The following SMYD3 variants were observed in gnomAD, a reference collection of about 807,000 sequenced individuals.
The protein encoded by SMYD3 is SET and MYND domain containing 3, also known as histone-lysine N-methyltransferase SMYD3.
In SMYD3, 36 loss-of-function variants were observed where a neutral mutation model predicts 57.7. That is an observed-to-expected ratio of 0.62 (90% CI 0.48 to 0.82). The LOEUF is 0.82. Ranked by LOEUF, SMYD3 falls within the 40% of genes least tolerant of loss-of-function variation. The pLI, the probability that SMYD3 is intolerant of heterozygous loss-of-function variation, is 0.00. For synonymous variants in SMYD3, 211 were observed against 195.0 expected (o/e 1.08, Z -0.68); for missense variants, 515 against 538.8 (o/e 0.96, Z 0.44).
chr1:246,124,521 T>C (rs2061475684), intron 5 of SMYD3, among the ~76,000 whole-genome samples: 1 of 152,194 alleles, frequency 6.6e-6, no homozygotes, highest in African/African-American at 2.4e-5. Flanking sequence ...GCCAACTTCC[T>C]AACATGTACC....
intron 5 of SMYD3, among the ~76,000 whole-genome samples, chr1:246,114,361 T>TG (rs2061307062): frequency 6.6e-6 from 1 of 152,180 alleles, no homozygotes; most frequent in South Asian, 2.1e-4. Flanking sequence ...TGTGGAGTCC[T>TG]GACAAGGTAA....
intron 1 of SMYD3, among the ~76,000 whole-genome samples, chr1:246,361,728 A>T (rs1572419776): frequency 1.3e-5 from 2 of 152,294 alleles, no homozygotes; most frequent in East Asian, 3.9e-4. Context: ...TCTCACTCAT[A>T]TGTGGGAGCT....
At chr1:246,040,581 T>A (rs2059852183) in intron 5 of SMYD3, among the ~76,000 whole-genome samples, 2 of 152,212 alleles carry the variant, frequency 1.3e-5, no homozygotes, top group Admixed American at 6.5e-5. Context: ...CACGTGGGGA[T>A]AAATCCTTCT....
At chr1:246,235,978 G>GAA (rs1291802054) in intron 5 of SMYD3, among the ~76,000 whole-genome samples, 1 of 151,996 alleles carries the variant, frequency 6.6e-6, no homozygotes, top group Admixed American at 6.6e-5. Context: ...CATCATCACA[G>GAA]AAAGCACTAC....
chr1:246,234,400 G>A (rs904387565), intron 5 of SMYD3, among the ~76,000 whole-genome samples: 1 of 152,168 alleles, frequency 6.6e-6, no homozygotes, highest in Non-Finnish European at 1.5e-5. Context: ...CCACACAGAG[G>A]AGAAGCACTT....
intron 8 of SMYD3, among the ~76,000 whole-genome samples, chr1:245,903,502 A>T (rs1010189969): frequency 6.6e-6 from 1 of 152,198 alleles, no homozygotes; most frequent in African/African-American, 2.4e-5. Flanking sequence ...ACAGAAAAAA[A>T]CACCTTCATG....
rs374327726 is a variant in SMYD3, at chr1:246,028,237, GT to G, written c.532-98301del. 2.7e-3 allele frequency among the ~76,000 whole-genome samples: 405 copies of G among 152,250 alleles called. 4 individuals are homozygous for G. Among genetic ancestry groups the G allele is most frequent in the African/African-American group, 8.6e-3 (359 of 41,552 alleles). ...TCAATAATGAGTAGTGGAAGTCCTA[GT>G]CAGAGCAACCAGGCAAGAGAAAGAA... On this transcript the variant is annotated intron_variant, in intron 5 of 11. Transcript: ENST00000490107.
At position 246,355,389 on chromosome 1, in the gene SMYD3, G is replaced by T; in HGVS notation, c.165-295C>A. 1 of 327,202 alleles carries T rather than the reference G, an allele frequency of 3.1e-6. No individual in the cohort carries two copies. Among genetic ancestry groups the T allele is most frequent in the Non-Finnish European group, 5.7e-6 (1 of 176,608 alleles). The allele number at this position is 327,202 out of a possible 1,614,324, so 20.3% of individuals were successfully genotyped here. On this transcript the variant is annotated intron_variant, in intron 1 of 11. Coordinates refer to ENST00000490107, the MANE Select transcript of SMYD3 (RefSeq NM_001167740.2). This position sits in a 1 kb window ranked among gnomAD's most constrained non-coding sequence, Gnocchi z 5.0. ...AGCAGCGTGTGGGGACTCACACTGT[G>T]AACTTTTGATCCAACAACTGCCACA...
chr1:246,418,176 C>G (rs1384259786), intron 1 of SMYD3, among the ~76,000 whole-genome samples: 1 of 152,226 alleles, frequency 6.6e-6, no homozygotes, highest in Non-Finnish European at 1.5e-5. Flanking sequence ...GAAAAATTAT[C>G]TTCACACCTA....
intron 5 of SMYD3, among the ~76,000 whole-genome samples, chr1:246,115,890 G>A (rs2061333694): frequency 6.6e-6 from 1 of 151,844 alleles, no homozygotes; most frequent in African/African-American, 2.4e-5. Flanking sequence ...TGTAATCCCA[G>A]CACTTCCGGA....
intron 1 of SMYD3, among the ~76,000 whole-genome samples, chr1:246,425,738 C>T (rs973906199): frequency 2.6e-5 from 4 of 152,160 alleles, no homozygotes; most frequent in Non-Finnish European, 5.9e-5. Context: ...CAGCTCTTTA[C>T]AGGTGCTTCC....
At chr1:246,013,400 G>T (rs1163054283) in intron 5 of SMYD3, among the ~76,000 whole-genome samples, 1 of 152,060 alleles carries the variant, frequency 6.6e-6, no homozygotes, top group African/African-American at 2.4e-5. Context: ...GGCTGGTCTC[G>T]AACTCCCAAC....
intron 5 of SMYD3, among the ~76,000 whole-genome samples, chr1:246,040,056 C>T (rs945012992): frequency 3.3e-5 from 5 of 152,282 alleles, no homozygotes; most frequent in Admixed American, 2.0e-4. Flanking sequence ...ACATTTCTCC[C>T]GGCTAGTATT....
intron 5 of SMYD3, among the ~76,000 whole-genome samples, chr1:245,972,887 T>C (rs576690097): frequency 1.3e-5 from 2 of 152,382 alleles, no homozygotes; most frequent in East Asian, 3.9e-4. Context: ...TCTATCTCCT[T>C]TGAAGCTACT....
intron 5 of SMYD3, among the ~76,000 whole-genome samples, chr1:246,255,975 T>TAGACAGAC (rs1283409026): frequency 0.023 from 3,117 of 135,900 alleles, 109 homozygotes; most frequent in East Asian, 0.1. Context: ...GATAGATAGA[T>TAGACAGAC]AGATAGATAG....
intron 8 of SMYD3, among the ~76,000 whole-genome samples, chr1:245,880,600 A>G (rs2052727901): frequency 6.6e-6 from 1 of 152,208 alleles, no homozygotes; most frequent in African/African-American, 2.4e-5. Flanking sequence ...AAACCAGTCC[A>G]ATCCTTATAG....
At chr1:246,137,870 A>G (rs2061686994) in intron 5 of SMYD3, among the ~76,000 whole-genome samples, 1 of 152,164 alleles carries the variant, frequency 6.6e-6, no homozygotes, top group Non-Finnish European at 1.5e-5. Context: ...GAGTTTTGGA[A>G]TGGCTCTTTG....
intron 8 of SMYD3, among the ~76,000 whole-genome samples, chr1:245,904,370 T>C (rs1310515914): frequency 3.3e-5 from 5 of 152,192 alleles, no homozygotes; most frequent in Admixed American, 2.6e-4. Context: ...CAATTAAAAC[T>C]CTCTTCTTTG....
chr1:246,326,595 C>CA lies in SMYD3; in HGVS notation c.531+605dup, dbSNP rs66737807. 4.8e-4 allele frequency among the ~76,000 whole-genome samples: 46 copies of CA among 96,092 alleles called. 1 individual carries two copies. The highest frequency in any genetic ancestry group is 1.6e-3 in the Admixed American group (15 of 9,466). The allele number at this position is 96,092 out of a possible 152,430, so 63.0% of individuals were successfully genotyped here. On this transcript the variant is annotated intron_variant, in intron 5 of 11. Transcript: ENST00000490107. ...TCAAGACCATCCGTCTCTACAAAAA[C>CA]AAAAAAAAAAAAACAAAATTTAGCT...
Sources: allele counts gnomAD v4.1 joint callset (sites outside exome capture counted in the v4.1 genomes callset), GRCh38; gene constraint gnomAD v4.1.1; non-coding constraint Gnocchi (gnomAD v3.1); transcripts MANE v1.5; gene names NCBI Gene and HGNC (gene_info 2026-07-23, HGNC 2026-07-21).